Variants in MEI4 observed in about 807,000 individuals in gnomAD.
The protein encoded by MEI4 is meiotic double-stranded break formation protein 4, also known as meiosis-specific protein MEI4.
In MEI4, 27 loss-of-function variants were observed where a neutral mutation model predicts 31.4. The ratio of observed to expected loss-of-function variants is 0.86; its 90% confidence interval spans 0.63 to 1.19. The LOEUF is 1.19. Among genes scored for constraint, MEI4 ranks in the 50% most tolerant of loss-of-function variants. MEI4 has a pLI of 0.00. For synonymous variants in MEI4, 122 were observed against 145.4 expected (o/e 0.84, Z 1.16); for missense variants, 329 against 398.9 (o/e 0.82, Z 1.49).
intron 4 of MEI4, among the ~76,000 whole-genome samples, chr6:77,860,921 T>A (rs1377020483): frequency 6.6e-6 from 1 of 152,078 alleles, no homozygotes; most frequent in Non-Finnish European, 1.5e-5. Flanking sequence ...GTATTTCACT[T>A]GTTGTTCTTT....
chr6:77,811,438 G>A (rs72898580), intron 3 of MEI4, among the ~76,000 whole-genome samples: 14,228 of 152,150 alleles, frequency 0.094, 857 homozygotes, highest in Non-Finnish European at 0.13. Context: ...ATATATAGAG[G>A]ATGAGATAAT....
At chr6:77,692,707 C>A (rs1241879622) in intron 2 of MEI4, among the ~76,000 whole-genome samples, 1 of 151,994 alleles carries the variant, frequency 6.6e-6, no homozygotes. Context: ...TAAGGTTTCC[C>A]TCCTAGCCTA....
chr6:77,866,192 C>T (rs1375514724), intron 4 of MEI4, among the ~76,000 whole-genome samples: 1 of 151,976 alleles, frequency 6.6e-6, no homozygotes. Flanking sequence ...CCCTCTCTCA[C>T]CACTCCTATT....
chr6:77,683,811 C>CT (rs1393397708), intron 1 of MEI4, among the ~76,000 whole-genome samples: 3 of 152,118 alleles, frequency 2.0e-5, no homozygotes, highest in Non-Finnish European at 4.4e-5. Context: ...GATTTCATAT[C>CT]TTTTCTATTG....
chr6:77,757,165 C>T (rs1294366659), intron 2 of MEI4, among the ~76,000 whole-genome samples: 2 of 152,128 alleles, frequency 1.3e-5, no homozygotes, highest in Non-Finnish European at 1.5e-5. Context: ...ACATATCTTT[C>T]AGGGTTTTTG....
At chr6:77,698,009 G>T (rs925532205) in intron 2 of MEI4, among the ~76,000 whole-genome samples, 2 of 152,110 alleles carry the variant, frequency 1.3e-5, no homozygotes, top group South Asian at 4.1e-4. Flanking sequence ...TGATCCCTTT[G>T]CCATTAGATA....
intron 2 of MEI4, among the ~76,000 whole-genome samples, chr6:77,713,297 C>T (rs76673782): frequency 6.6e-6 from 1 of 152,260 alleles, no homozygotes; most frequent in African/African-American, 2.4e-5. Context: ...TAAATACTAG[C>T]TTTCTTCTCC....
At chr6:77,828,514 C>T (rs1043864151) in intron 3 of MEI4, among the ~76,000 whole-genome samples, 2 of 152,048 alleles carry the variant, frequency 1.3e-5, no homozygotes, top group African/African-American at 4.8e-5. Context: ...GCCCCCCTTC[C>T]ATGGAAAAAT....
chr6:77,911,298 T>G (rs1766429513), intron 4 of MEI4, among the ~76,000 whole-genome samples: 1 of 152,104 alleles, frequency 6.6e-6, no homozygotes, highest in Non-Finnish European at 1.5e-5. Flanking sequence ...ATTTTTTTGT[T>G]TTTTGTTTTC....
intron 4 of MEI4, among the ~76,000 whole-genome samples, chr6:77,882,190 G>A (rs1432641860): frequency 6.6e-6 from 1 of 152,162 alleles, no homozygotes; most frequent in Non-Finnish European, 1.5e-5. Context: ...GTGAGGTCTG[G>A]AAGAGTCCTG....
In MEI4 at chr6:77,847,235, G is replaced by A. The variant is rs1770510731; in HGVS notation, c.900+18173G>A. On this transcript the variant is annotated intron_variant, in intron 4 of 4. Transcript: ENST00000684080. The surrounding 1 kb of genome is among the most constrained non-coding windows in gnomAD (Gnocchi z 4.6). ...AGAACAAATAGTTGTGGAAGATCCA[G>A]GTGTACGGTCACTGTCAAAATAATT... Among the ~76,000 whole-genome samples the A allele has an allele frequency of 6.6e-6, 1 of 152,130 alleles. No individual in the cohort carries two copies. Among genetic ancestry groups the A allele is most frequent in the Non-Finnish European group, 1.5e-5 (1 of 68,014 alleles).
intron 3 of MEI4, among the ~76,000 whole-genome samples, chr6:77,826,125 T>G (rs879668828): frequency 1.3e-5 from 2 of 152,240 alleles, no homozygotes; most frequent in Non-Finnish European, 2.9e-5. Context: ...ATCCCAGTTT[T>G]GTTTATACTA....
Position 77,767,705 on chromosome 6 carries a change from ACACACAC to A in MEI4, c.768+6041_768+6047del, listed in dbSNP as rs1231805319. Reference sequence around the variant, plus strand: ...GAGCAGGAAACTGTCACACACACACACACACACACACACACGGAAAAATCTGGGTTAA... The same window carrying A: ...GAGCAGGAAACTGTCACACACACACAACACACACGGAAAAATCTGGGTTAA... On this transcript the variant is annotated intron_variant, in intron 3 of 4. Coordinates refer to ENST00000684080, the MANE Select transcript of MEI4 (RefSeq NM_001322247.2). 1.4e-3 allele frequency among the ~76,000 whole-genome samples: 213 copies of A among 152,122 alleles called. 1 individual carries two copies. The highest frequency in any genetic ancestry group is 4.5e-3 in the African/African-American group (187 of 41,508).
At chr6:77,877,778 G>A (rs1771380010) in intron 4 of MEI4, among the ~76,000 whole-genome samples, 2 of 139,702 alleles carry the variant, frequency 1.4e-5, no homozygotes, top group African/African-American at 5.4e-5. Context: ...GCTAGAAGAT[G>A]TGAGAATGAT....
intron 2 of MEI4, among the ~76,000 whole-genome samples, chr6:77,694,712 T>G (rs1232605672): frequency 1.3e-5 from 2 of 152,064 alleles, no homozygotes; most frequent in Non-Finnish European, 2.9e-5. Context: ...GACTAGTGCC[T>G]CAATAAACAT....
chr6:77,865,193 T>C (rs572033303), intron 4 of MEI4, among the ~76,000 whole-genome samples: 30 of 152,060 alleles, frequency 2.0e-4, no homozygotes, highest in African/African-American at 5.1e-4. Flanking sequence ...AGAGCAAACA[T>C]ATTCAAAAGC....
chr6:77,821,097 T>C (rs538618070), intron 3 of MEI4, among the ~76,000 whole-genome samples: 2 of 152,246 alleles, frequency 1.3e-5, no homozygotes, highest in Admixed American at 1.3e-4. Flanking sequence ...TTGTTTATTA[T>C]TTCATTCACT....
chr6:77,701,611 A>G (rs1190884102), intron 2 of MEI4, among the ~76,000 whole-genome samples: 1 of 151,808 alleles, frequency 6.6e-6, no homozygotes, highest in Non-Finnish European at 1.5e-5. Flanking sequence ...ATACATAGAT[A>G]TATAAATATA....
chr6:77,923,242 G>T lies in MEI4; in HGVS notation c.1054G>T (p.Glu352Ter). The T allele has an allele frequency of 8.1e-7, 1 of 1,230,490 alleles. No homozygotes were observed. 76.2% of individuals were successfully genotyped at this position (1,230,490 alleles called of 1,614,324 possible). A position where few individuals can be genotyped will look rare whatever the true frequency, so the allele number is the denominator to read the frequency against. The change falls in exon 5 of 5, where the codon GAA becomes TAA. Residue 352 changes from glutamate to a stop codon, truncating the protein, a stop_gained. Coordinates refer to ENST00000684080, the MANE Select transcript of MEI4 (RefSeq NM_001322247.2). LOFTEE classifies it high-confidence loss of function. Reference sequence around the variant, plus strand: ...CAAGAAATTTCTTCAGAAGCATGATGAAACTATTTTCCAACTTTCTGATGC... The same window carrying T: ...CAAGAAATTTCTTCAGAAGCATGATTAAACTATTTTCCAACTTTCTGATGC... Reference protein sequence around the residue: ...EIKKFLQKHDETIFQLSDAFP... With the variant: ...EIKKFLQKHD
Sources: gnomAD v4.1 joint callset for allele counts (sites outside exome capture counted in the v4.1 genomes callset) on GRCh38, gnomAD v4.1.1 for gene constraint, Gnocchi (gnomAD v3.1) non-coding constraint, MANE v1.5 for transcripts, NCBI Gene and HGNC (gene_info 2026-07-23, HGNC 2026-07-21) for gene names.